NHSL2: variants seen among roughly 807,000 people sequenced by gnomAD.
The protein encoded by NHSL2 is NHS-like protein 2.
A neutral mutation model predicts 53.4 loss-of-function variants in NHSL2; 27 were observed. The observed-to-expected ratio is 0.51, with a 90% CI of 0.37 to 0.70. The LOEUF (loss-of-function observed/expected upper bound fraction) is 0.70, where lower values mean the gene tolerates loss of function less well. Ranked by LOEUF, NHSL2 falls within the 30% of genes least tolerant of loss-of-function variation. The pLI is 0.00. For synonymous variants in NHSL2, 408 were observed against 404.1 expected (o/e 1.01, Z -0.12); for missense variants, 892 against 980.1 (o/e 0.91, Z 1.20).
At chrX:72,048,439 G>T (rs1483622861) in intron 1 of NHSL2, among the ~76,000 whole-genome samples, 1 of 110,775 alleles carries the variant, frequency 9.0e-6, no homozygotes, top group Non-Finnish European at 1.9e-5. Flanking sequence ...TTGGGGAAAA[G>T]TGACAGAGCT....
chrX:71,979,661 G>A (rs1254592336), intron 1 of NHSL2, among the ~76,000 whole-genome samples: 11 of 111,979 alleles, frequency 9.8e-5, no homozygotes, highest in African/African-American at 3.6e-4. Flanking sequence ...CTGGATATTA[G>A]CCCTTTGTCA....
chrX:72,019,456 G>C (rs1488034071), intron 1 of NHSL2, among the ~76,000 whole-genome samples: 1 of 112,308 alleles, frequency 8.9e-6, no homozygotes, highest in Non-Finnish European at 1.9e-5. Context: ...GAACAAATGC[G>C]ATGATTTAGT....
At chrX:72,062,491 T>C (rs2042404709) in intron 1 of NHSL2, among the ~76,000 whole-genome samples, 1 of 111,554 alleles carries the variant, frequency 9.0e-6, no homozygotes. Flanking sequence ...GAACTACAGA[T>C]AGGTTGGGTT....
At chrX:72,060,338 G>A (rs898036597) in intron 1 of NHSL2, among the ~76,000 whole-genome samples, 5 of 112,189 alleles carry the variant, frequency 4.5e-5, no homozygotes, top group Admixed American at 2.8e-4. Flanking sequence ...CAGTGTCTAA[G>A]GAAAGAAGTG....
intron 1 of NHSL2, among the ~76,000 whole-genome samples, chrX:72,063,744 C>T (rs1186442673): frequency 9.0e-6 from 1 of 111,017 alleles, no homozygotes; most frequent in Non-Finnish European, 1.9e-5. Flanking sequence ...TTTAAAAGAT[C>T]ATCCATGTAT....
intron 1 of NHSL2, chrX:72,131,125 G>C (rs749671620): frequency 4.2e-6 from 5 of 1,201,758 alleles, no homozygotes; most frequent in Non-Finnish European, 5.6e-6. Context: ...TTGCGGGGGC[G>C]GTTCCTTTGA....
At chrX:72,126,246 G>T (rs375324787) in intron 1 of NHSL2, among the ~76,000 whole-genome samples, 19 of 111,686 alleles carry the variant, frequency 1.7e-4, no homozygotes, top group Non-Finnish European at 2.3e-4. Context: ...CTGGAGGCAG[G>T]GGGGGTAGGA....
At chrX:72,033,199 T>G (rs2147912071) in intron 1 of NHSL2, among the ~76,000 whole-genome samples, 1 of 107,595 alleles carries the variant, frequency 9.3e-6, no homozygotes. Context: ...TTTTTTTTTT[T>G]TTTTGGGAGA....
chrX:72,117,816 A>ATTTT (rs1205981384), intron 1 of NHSL2, among the ~76,000 whole-genome samples: 149 of 64,690 alleles, frequency 2.3e-3, no homozygotes, highest in African/African-American at 5.8e-3. Flanking sequence ...GATAGACCAC[A>ATTTT]TTTTTATTTA....
In NHSL2 at chrX:72,144,405, A is replaced by C; in HGVS notation, c.*831A>C. 1 of 563,702 alleles carries C rather than the reference A, an allele frequency of 1.8e-6. No homozygotes were observed. Among genetic ancestry groups the C allele is most frequent in the Non-Finnish European group, 2.8e-6 (1 of 362,651 alleles). 46.5% of individuals were successfully genotyped at this position (563,702 alleles called of 1,213,427 possible). A position where few individuals can be genotyped will look rare whatever the true frequency, so the allele number is the denominator to read the frequency against. Reference sequence around the variant, plus strand: ...CCTTGAGATCCTCCATGTGTCTGTCAACAGCGATAGGCAGGATCTGCGCCC... The same window carrying C: ...CCTTGAGATCCTCCATGTGTCTGTCCACAGCGATAGGCAGGATCTGCGCCC... On this transcript the variant is annotated 3_prime_UTR_variant, in exon 8 of 8. Transcript: ENST00000633930.
chrX:72,133,816 A>G, intron 2 of NHSL2: 1 of 244,020 alleles, frequency 4.1e-6, no homozygotes, highest in Non-Finnish European at 7.3e-6. Flanking sequence ...TTCGTAACTG[A>G]GCACTCAAGG....
intron 1 of NHSL2, among the ~76,000 whole-genome samples, chrX:71,935,991 A>G (rs2041736257): frequency 8.9e-6 from 1 of 112,264 alleles, no homozygotes; most frequent in Non-Finnish European, 1.9e-5. Flanking sequence ...GGAAAGTCTG[A>G]AAGCCAGGTG....
chrX:71,969,608 C>T (rs745553936), intron 1 of NHSL2, among the ~76,000 whole-genome samples: 60 of 112,276 alleles, frequency 5.3e-4, no homozygotes, highest in South Asian at 3.6e-4. Flanking sequence ...CCATCACGTC[C>T]GGCCAAATGG....
chrX:72,036,234 C>G lies in NHSL2; in HGVS notation c.281-95845C>G, dbSNP rs189954957. Among the ~76,000 whole-genome samples, 767 of 111,699 alleles carry G rather than the reference C, an allele frequency of 6.9e-3. 21 individuals carry two copies. The highest frequency in any genetic ancestry group is 0.065 in the Admixed American group (690 of 10,567). ...TCTGAGAATTTTTTGATTTCCCCAT[C>G]ATTCCTGAAGGATATTTTCACTGGA... is the stretch of plus-strand genomic sequence containing the variant. On this transcript the variant is annotated intron_variant, in intron 1 of 7. Coordinates refer to ENST00000633930, the MANE Select transcript of NHSL2 (RefSeq NM_001013627.3).
At chrX:72,069,709 A>G in intron 1 of NHSL2, 1 of 937,850 alleles carries the variant, frequency 1.1e-6, no homozygotes, top group Non-Finnish European at 1.3e-6. Flanking sequence ...TCTCACCACA[A>G]GCAACCGAGG....
intron 1 of NHSL2, among the ~76,000 whole-genome samples, chrX:71,942,968 CTCTCTG>C (rs1320839328): frequency 1.5e-4 from 3 of 19,600 alleles, no homozygotes; most frequent in Non-Finnish European, 2.3e-4. Context: ...CTCTCTCTCT[CTCTCTG>C]TGTGTGTGTG....
intron 1 of NHSL2, among the ~76,000 whole-genome samples, chrX:72,004,300 C>G (rs2042083928): frequency 8.9e-6 from 1 of 112,310 alleles, no homozygotes; most frequent in African/African-American, 3.2e-5. Context: ...TATTTAGCAG[C>G]CGTCCTGTGA....
chrX:72,131,024 A>G, intron 1 of NHSL2: 2 of 1,210,986 alleles, frequency 1.7e-6, no homozygotes, highest in Non-Finnish European at 2.2e-6. Context: ...TCGGCTATGA[A>G]GGTCTCTAGC....
At chrX:72,014,573 T>G (rs762759401) in intron 1 of NHSL2, among the ~76,000 whole-genome samples, 20 of 112,291 alleles carry the variant, frequency 1.8e-4, no homozygotes, top group Non-Finnish European at 3.8e-5. Context: ...TTAAAGTGTG[T>G]TGTTTATTTT....
Sources: allele counts gnomAD v4.1 joint callset (sites outside exome capture counted in the v4.1 genomes callset), GRCh38; gene constraint gnomAD v4.1.1; transcripts MANE v1.5; gene names NCBI Gene and HGNC (gene_info 2026-07-23, HGNC 2026-07-21).